INPP5A: variants seen among roughly 807,000 people sequenced by gnomAD.
The protein encoded by INPP5A is inositol polyphosphate-5-phosphatase A, also known as 43 kDa inositol polyphosphate 5-phophatase.
INPP5A carries 14 observed loss-of-function variants against 65.2 expected under a neutral mutation model. That is an observed-to-expected ratio of 0.21 (90% CI 0.14 to 0.34). INPP5A has a LOEUF of 0.34. INPP5A is among the 10% of genes least tolerant of loss of function. The pLI is 1.00. For missense variants in INPP5A, 431 were observed against 545.6 expected, an observed-to-expected ratio of 0.79 and a Z score of 2.09; for synonymous variants, 207 against 208.3, an observed-to-expected ratio of 0.99 and a Z score of 0.05.
chr10:132,636,163 A>ATATGTGTG (rs3220223), intron 2 of INPP5A, among the ~76,000 whole-genome samples: 1 of 149,614 alleles, frequency 6.7e-6, no homozygotes, highest in Non-Finnish European at 1.5e-5. Context: ...GATAAACAAA[A>ATATGTGTG]TGTGTGTGTG....
intron 6 of INPP5A, among the ~76,000 whole-genome samples, chr10:132,699,761 C>T (rs771797496): frequency 2.0e-4 from 31 of 152,176 alleles, no homozygotes; most frequent in Non-Finnish European, 3.8e-4. Context: ...GCTCCTGACC[C>T]CTCCGTCTCT....
intron 9 of INPP5A, among the ~76,000 whole-genome samples, chr10:132,735,738 T>C (rs777719341): frequency 1.8e-4 from 28 of 152,176 alleles, no homozygotes; most frequent in Non-Finnish European, 3.4e-4. Context: ...TCCACAGCAA[T>C]GGGAGGCCGG....
intron 1 of INPP5A, among the ~76,000 whole-genome samples, chr10:132,576,011 C>T (rs2071408545): frequency 6.6e-6 from 1 of 152,200 alleles, no homozygotes; most frequent in Non-Finnish European, 1.5e-5. Context: ...CACATCCCTC[C>T]ACCACAGATG....
At chr10:132,696,754 T>C (rs557490163) in intron 5 of INPP5A, among the ~76,000 whole-genome samples, 13 of 152,260 alleles carry the variant, frequency 8.5e-5, no homozygotes, top group African/African-American at 2.9e-4. Flanking sequence ...GGCACCCACA[T>C]CCAGGACTGT....
chr10:132,727,043 C>G lies in INPP5A; in HGVS notation c.732+138C>G. 1 of 533,056 alleles carries G rather than the reference C, an allele frequency of 1.9e-6. No individual in the cohort carries two copies. The highest frequency in any genetic ancestry group is 3.3e-6 in the Non-Finnish European group (1 of 305,762). The allele number at this position is 533,056 out of a possible 1,614,324, so 33.0% of individuals were successfully genotyped here. ...ATGCACTTTTTAAGGCAAAACCTTT[C>G]AATGAAGAAGCATGTTTTGCTGTCG... On this transcript the variant is annotated intron_variant, in intron 9 of 15. Coordinates refer to ENST00000368594, the MANE Select transcript of INPP5A (RefSeq NM_005539.5). This position sits in a 1 kb window ranked among gnomAD's most constrained non-coding sequence, Gnocchi z 6.5.
chr10:132,620,261 C>G (rs754618707), intron 2 of INPP5A, among the ~76,000 whole-genome samples: 5 of 152,246 alleles, frequency 3.3e-5, no homozygotes, highest in Non-Finnish European at 5.9e-5. Flanking sequence ...ATGCAAATAT[C>G]TCTAGCAAGT....
chr10:132,642,809 G>A (rs563292742), intron 2 of INPP5A, among the ~76,000 whole-genome samples: 1 of 152,208 alleles, frequency 6.6e-6, no homozygotes, highest in African/African-American at 2.4e-5. Context: ...GCCGCACGTG[G>A]GGATAAAGAC....
intron 5 of INPP5A, among the ~76,000 whole-genome samples, chr10:132,691,685 G>A (rs1341208975): frequency 6.6e-6 from 1 of 152,238 alleles, no homozygotes; most frequent in Admixed American, 6.5e-5. Flanking sequence ...AGCCCTCCAT[G>A]TGGCCAAACT....
chr10:132,688,229 C>T (rs1030609835), intron 4 of INPP5A, among the ~76,000 whole-genome samples: 10 of 152,206 alleles, frequency 6.6e-5, no homozygotes, highest in Non-Finnish European at 1.3e-4. Flanking sequence ...TCAGCAGGCC[C>T]AGAACATAAG....
chr10:132,630,879 G>T (rs1369622724), intron 2 of INPP5A, among the ~76,000 whole-genome samples: 1 of 152,210 alleles, frequency 6.6e-6, no homozygotes, highest in Non-Finnish European at 1.5e-5. Context: ...ACTTTGTTCG[G>T]GTTAGAGCCC....
Position 132,779,270 on chromosome 10 carries a change from G to A in INPP5A, c.1089+1488G>A, listed in dbSNP as rs142070860. 1.8e-3 allele frequency among the ~76,000 whole-genome samples: 273 copies of A among 152,374 alleles called. 2 individuals are homozygous for A. Among genetic ancestry groups the A allele is most frequent in the African/African-American group, 5.6e-3 (234 of 41,592 alleles). ...TCTGGCTGGGCTCACTGGTAGGCAC[G>A]CCAGTCCCTCGGTGCCACATGGTGG... On this transcript the variant is annotated intron_variant, in intron 13 of 15. Transcript: ENST00000368594.
At chr10:132,709,324 AAAG>A (rs1384040262) in intron 7 of INPP5A, among the ~76,000 whole-genome samples, 2 of 94,144 alleles carry the variant, frequency 2.1e-5, no homozygotes, top group Non-Finnish European at 4.4e-5. Flanking sequence ...GGGAGGGGGA[AAAG>A]AAGGAGGTGG....
intron 2 of INPP5A, among the ~76,000 whole-genome samples, chr10:132,625,671 C>T (rs1192170532): frequency 6.6e-6 from 1 of 152,142 alleles, no homozygotes; most frequent in Admixed American, 6.5e-5. Flanking sequence ...GCTTCCTGAC[C>T]AAGGTCGGGC....
chr10:132,590,867 T>C (rs2071611503), intron 1 of INPP5A, among the ~76,000 whole-genome samples: 1 of 152,244 alleles, frequency 6.6e-6, no homozygotes, highest in Non-Finnish European at 1.5e-5. Context: ...TGGTTAGCTG[T>C]GTCCTGTCCG....
At position 132,710,385 on chromosome 10, in the gene INPP5A, G is replaced by C. The variant is rs1327659977; in HGVS notation, c.576G>C (p.Leu192=). Residue 192 remains leucine (L), a synonymous_variant, in exon 8 of 16, where the codon CTG becomes CTC. Coordinates refer to ENST00000368594, the MANE Select transcript of INPP5A (RefSeq NM_005539.5). ...NIHLFHDASN[L]VAWETSPSVY... is the part of the protein sequence containing the mutation. ...ATCTTTTCCATGATGCTTCCAATCT[G>C]GTCGCCTGGGAAACAAGCCCTTCCG... 3 of 1,614,080 alleles carry C rather than the reference G, an allele frequency of 1.9e-6. No homozygotes were observed. The highest frequency in any genetic ancestry group is 2.5e-6 in the Non-Finnish European group (3 of 1,180,046).
intron 1 of INPP5A, among the ~76,000 whole-genome samples, chr10:132,576,201 T>G (rs892605625): frequency 2.6e-5 from 4 of 152,322 alleles, no homozygotes; most frequent in South Asian, 4.1e-4. Context: ...GCTGTGGCTC[T>G]GCTCCTCTCC....
intron 4 of INPP5A, among the ~76,000 whole-genome samples, chr10:132,656,425 C>G (rs1313102516): frequency 6.6e-6 from 1 of 152,242 alleles, no homozygotes; most frequent in Admixed American, 6.5e-5. Context: ...GACACACTGC[C>G]TCCAGGGACA....
chr10:132,618,184 A>C (rs1564936632), intron 2 of INPP5A, among the ~76,000 whole-genome samples: 1 of 152,230 alleles, frequency 6.6e-6, no homozygotes, highest in African/African-American at 2.4e-5. Flanking sequence ...GAGATAATAA[A>C]TGTTGTTTAT....
intron 1 of INPP5A, among the ~76,000 whole-genome samples, chr10:132,552,275 G>C (rs1342269451): frequency 6.8e-6 from 1 of 147,358 alleles, no homozygotes; most frequent in Non-Finnish European, 1.5e-5. Flanking sequence ...TATTGAGTGG[G>C]ATAGGGAGGG....
Sources: allele counts gnomAD v4.1 joint callset (sites outside exome capture counted in the v4.1 genomes callset), GRCh38; gene constraint gnomAD v4.1.1; non-coding constraint Gnocchi (gnomAD v3.1); transcripts MANE v1.5; gene names NCBI Gene and HGNC (gene_info 2026-07-23, HGNC 2026-07-21).